GAD1: variants seen among roughly 807,000 people sequenced by gnomAD.
GAD1 encodes 67 kDa glutamic acid decarboxylase.
In GAD1, 35 loss-of-function variants were observed where a neutral mutation model predicts 75.2. That is an observed-to-expected ratio of 0.47 (90% CI 0.36 to 0.62). The LOEUF is 0.62. GAD1 is among the 20% of genes least tolerant of loss of function. GAD1 has a pLI of 0.00. For synonymous variants in GAD1, 257 were observed against 271.9 expected, an observed-to-expected ratio of 0.95 and a Z score of 0.54; for missense variants, 490 against 758.5, an observed-to-expected ratio of 0.65 and a Z score of 4.16.
chr2:170,836,947 G>T, intron 6 of GAD1, 64 bp downstream of exon 6: 1 of 1,126,656 alleles, frequency 8.9e-7, no homozygotes, highest in South Asian at 1.3e-5. Flanking sequence ...TGCTTTAAAA[G>T]TTCAGTCCCA....
At chr2:170,855,007 G>T (rs185576584) in intron 14 of GAD1, among the ~76,000 whole-genome samples, 134 of 152,198 alleles carry the variant, frequency 8.8e-4, no homozygotes, top group African/African-American at 3.0e-3. Flanking sequence ...TCAAGGAAAA[G>T]AAATTTTGAT....
In GAD1 at chr2:170,827,136, C is replaced by T. The variant is rs191395902; in HGVS notation, c.146-2339C>T. Among the ~76,000 whole-genome samples the T allele has an allele frequency of 9.9e-5, 15 of 152,224 alleles. 1 individual carries two copies. The East Asian group carries it at 2.7e-3, about 27-fold the overall frequency. On this transcript the variant is annotated intron_variant, in intron 3 of 16. Transcript: ENST00000358196. ...TTCCCCTTCTTCCCTCCAGAAATAG[C>T]CCCTGGCTCCCTTGTGTGGGAGGAT...
chr2:170,824,035 C>G (rs865903682), intron 3 of GAD1, among the ~76,000 whole-genome samples: 33 of 151,860 alleles, frequency 2.2e-4, no homozygotes, highest in Admixed American at 6.6e-5. Flanking sequence ...TCGCTGGGTC[C>G]GGAAATAGGG....
chr2:170,832,874 C>A (rs941424678), intron 5 of GAD1, among the ~76,000 whole-genome samples: 4 of 152,226 alleles, frequency 2.6e-5, no homozygotes, highest in African/African-American at 9.7e-5. Context: ...GCCTCCAGTT[C>A]AAGGACTTTG....
In GAD1 at chr2:170,818,914, G is replaced by T. The variant is rs1275388213; in HGVS notation, c.82+241G>T. On this transcript the variant is annotated intron_variant, in intron 2 of 16. Coordinates refer to ENST00000358196, the MANE Select transcript of GAD1 (RefSeq NM_000817.3). This position sits in a 1 kb window ranked among gnomAD's most constrained non-coding sequence, Gnocchi z 5.9. Reference sequence around the variant, plus strand: ...GTCCGAGCAGCGGCGATCGTTGAGGGCTTCGCGGAGGAGGAGGGGCGCGCA... The same window carrying T: ...GTCCGAGCAGCGGCGATCGTTGAGGTCTTCGCGGAGGAGGAGGGGCGCGCA... Among the ~76,000 whole-genome samples the T allele has an allele frequency of 2.0e-5, 3 of 152,200 alleles. No homozygotes were observed. The highest frequency in any genetic ancestry group is 2.0e-4 in the Admixed American group (3 of 15,280).
chr2:170,836,914 C>T (rs777241006), intron 6 of GAD1, 31 bp downstream of exon 6: 2 of 1,452,306 alleles, frequency 1.4e-6, no homozygotes, highest in South Asian at 2.3e-5. Flanking sequence ...TATAAGCAAC[C>T]CTGATGTATG....
At chr2:170,823,784 C>T (rs926698624) in intron 3 of GAD1, among the ~76,000 whole-genome samples, 15 of 151,988 alleles carry the variant, frequency 9.9e-5, no homozygotes, top group Non-Finnish European at 1.5e-4. Flanking sequence ...CAGAACTGAG[C>T]GAGCCCTGGG....
Position 170,845,219 on chromosome 2 carries a change from C to A in GAD1, c.752-287C>A, listed in dbSNP as rs148765655. On this transcript the variant is annotated intron_variant, in intron 7 of 16. Transcript: ENST00000358196. The stretch of plus-strand genomic sequence containing the variant: ...CCCTTTGCAGCCACTGATGCAGCTA[C>A]CTCTTATATTTCTGTCTAGACTTCA... 1.1e-3 allele frequency: 546 copies of A among 486,756 alleles called. 6 individuals carry two copies. The highest frequency in any genetic ancestry group is 1.0e-2 in the African/African-American group (511 of 51,324). 30.2% of individuals were successfully genotyped at this position (486,756 alleles called of 1,614,324 possible).
chr2:170,825,496 G>A (rs1042993642), intron 3 of GAD1, among the ~76,000 whole-genome samples: 2 of 152,216 alleles, frequency 1.3e-5, no homozygotes, highest in Admixed American at 6.5e-5. Context: ...CAGCTCCCAC[G>A]TGCCCTGTTG....
chr2:170,817,712 A>G (rs1462469506), intron 1 of GAD1: 2 of 152,326 alleles, frequency 1.3e-5, no homozygotes, highest in Non-Finnish European at 2.9e-5. Flanking sequence ...CCCCATGCTT[A>G]CTTACCCCAC....
Position 170,834,776 on chromosome 2 carries a change from T to G in GAD1, c.548-2017T>G, listed in dbSNP as rs1051247278. 2.0e-4 allele frequency among the ~76,000 whole-genome samples: 31 copies of G among 151,790 alleles called. No individual in the cohort carries two copies. In the South Asian group the frequency reaches 4.2e-3, roughly 20 times the overall value. ...CATAAATATTCATTCTTTTTTTTTT[T>G]TTTTTTGAGATGGAGTTTCAATCTT... On this transcript the variant is annotated intron_variant, in intron 5 of 16. Coordinates refer to ENST00000358196, the MANE Select transcript of GAD1 (RefSeq NM_000817.3).
chr2:170,832,658 G>GCACA (rs1288645729), intron 5 of GAD1, among the ~76,000 whole-genome samples: 1 of 36,318 alleles, frequency 2.8e-5, no homozygotes, highest in African/African-American at 5.9e-5. Flanking sequence ...ACATGCGCGC[G>GCACA]CGCGCGCACA....
intron 2 of GAD1, among the ~76,000 whole-genome samples, chr2:170,820,241 C>T (rs1160272028): frequency 6.6e-6 from 1 of 152,204 alleles, no homozygotes; most frequent in Non-Finnish European, 1.5e-5. Context: ...ACGGAATTCC[C>T]GGTGGCCGCC....
rs200331547 is a variant in GAD1, at chr2:170,836,897, G to A, written c.638+14G>A. The stretch of plus-strand genomic sequence containing the variant: ...CAATACCAACATGTAAGTCTCATAT[G>A]TTTTCATATAAGCAACCCTGATGTA... On this transcript the variant is annotated intron_variant, in intron 6 of 16. Transcript: ENST00000358196. The A allele has an allele frequency of 1.9e-6, 3 of 1,591,212 alleles. No homozygotes were observed. The East Asian group carries it at 6.7e-5, about 36-fold the overall frequency.
intron 12 of GAD1, among the ~76,000 whole-genome samples, chr2:170,851,648 T>C (rs1575445058): frequency 2.0e-5 from 3 of 152,306 alleles, no homozygotes; most frequent in Admixed American, 6.5e-5. Flanking sequence ...AAAAGATCCT[T>C]CACAGGTATT....
At chr2:170,821,903 T>TG in intron 2 of GAD1, 184 bp from the exon 3 acceptor site, 1 of 619,318 alleles carries the variant, frequency 1.6e-6, no homozygotes, top group South Asian at 1.9e-5. Context: ...GGGAGTATGA[T>TG]GGGGGCTTAG....
chr2:170,848,998 A>G (rs967562429), intron 11 of GAD1: 1 of 487,162 alleles, frequency 2.1e-6, no homozygotes, highest in Non-Finnish European at 3.8e-6. Flanking sequence ...CATTGGGCTA[A>G]TGGGCCATTG....
Position 170,840,028 on chromosome 2 carries a change from A to G in GAD1, c.638+3145A>G, listed in dbSNP as rs529911429. ...CTGCAGTAAGCAGTTCTCGTTTGTCATGGAAAAGCAGCTGTGACATAGACT... is the reference window on the plus strand; with the variant it reads ...CTGCAGTAAGCAGTTCTCGTTTGTCGTGGAAAAGCAGCTGTGACATAGACT... On this transcript the variant is annotated intron_variant, in intron 6 of 16. Coordinates refer to ENST00000358196, the MANE Select transcript of GAD1 (RefSeq NM_000817.3). Among the ~76,000 whole-genome samples the G allele has an allele frequency of 2.2e-4, 33 of 152,224 alleles. 1 individual carries two copies. Among genetic ancestry groups the G allele is most frequent in the Non-Finnish European group, 5.9e-5 (4 of 68,024 alleles).
intron 12 of GAD1, among the ~76,000 whole-genome samples, chr2:170,850,130 T>G (rs1329605330): frequency 6.6e-6 from 1 of 152,232 alleles, no homozygotes; most frequent in Non-Finnish European, 1.5e-5. Flanking sequence ...CCTATGGTGC[T>G]TTTCTAATAA....
Sources: gnomAD v4.1 joint callset for allele counts (sites outside exome capture counted in the v4.1 genomes callset) on GRCh38, gnomAD v4.1.1 for gene constraint, Gnocchi (gnomAD v3.1) non-coding constraint, MANE v1.5 for transcripts, NCBI Gene and HGNC (gene_info 2026-07-23, HGNC 2026-07-21) for gene names.